PFKM: variants seen among roughly 807,000 people sequenced by gnomAD.
PFKM encodes the protein phosphofructokinase, muscle, also known as ATP-dependent 6-phosphofructokinase, muscle type.
PFKM carries 58 observed loss-of-function variants against 95.5 expected under a neutral mutation model. The ratio of observed to expected loss-of-function variants is 0.61; its 90% CI spans 0.49 to 0.76. The LOEUF (loss-of-function observed/expected upper bound fraction) is 0.76. Ranked by LOEUF, PFKM falls within the 30% of genes least tolerant of loss-of-function variation. The pLI is 0.00. For synonymous variants in PFKM, 336 were observed against 357.2 expected, an observed-to-expected ratio of 0.94 and a Z score of 0.67; for missense variants, 678 against 1,005.4, an observed-to-expected ratio of 0.67 and a Z score of 4.40.
Position 48,143,751 on chromosome 12 carries a change from A to G in PFKM, c.1819-2A>G, listed in dbSNP as rs1361710401. 6.2e-7 allele frequency: 1 copy of G among 1,611,122 alleles called. No individual in the cohort carries two copies. The highest frequency in any genetic ancestry group is 1.1e-5 in the South Asian group (1 of 91,022). ...GCTTAGGATTTACTCTTTCATTTTC[A>G]GGCAAATGTTGAACATCTGGTGCAA... is the stretch of plus-strand genomic sequence containing the variant. On this transcript the variant is annotated splice_acceptor_variant, in intron 18 of 22. Coordinates refer to ENST00000359794, the MANE Select transcript of PFKM (RefSeq NM_000289.6). LOFTEE classifies it high-confidence loss of function.
chr12:48,105,456 C>A (rs115646828), upstream of PFKM: 386 of 519,010 alleles, frequency 7.4e-4, 2 homozygotes, highest in African/African-American at 6.8e-3. Flanking sequence ...ATTTTCATAA[C>A]CTGAGCAGGA....
At chr12:48,144,221 C>A in intron 20 of PFKM, 64 bp downstream of exon 20, 1 of 1,082,136 alleles carries the variant, frequency 9.2e-7, no homozygotes, top group Non-Finnish European at 1.4e-6. Flanking sequence ...GCCATACCTG[C>A]CAACAGCCAC....
At chr12:48,119,347 C>A, upstream of PFKM, 1 of 984,652 alleles carries the variant, frequency 1.0e-6, no homozygotes, top group Non-Finnish European at 1.2e-6. Context: ...ATCACCCCTC[C>A]CCCCTTTCCC....
intron 2 of PFKM, among the ~76,000 whole-genome samples, chr12:48,128,698 AG>A (rs1237250120): frequency 1.1e-4 from 17 of 152,266 alleles, no homozygotes; most frequent in Middle Eastern, 3.4e-3. Context: ...ATTATTCAAA[AG>A]TTTGTGATGG....
intron 15 of PFKM, 99 bp from the exon 16 acceptor site, chr12:48,141,641 T>C: frequency 1.0e-6 from 1 of 954,900 alleles, no homozygotes; most frequent in Non-Finnish European, 1.7e-6. Context: ...AAATTAAAAA[T>C]AAAGTGCCTC....
At chr12:48,106,125 G>T (rs1462032142) in exon 1 of PFKM, 1 of 702,658 alleles carries the variant, frequency 1.4e-6, no homozygotes, top group Admixed American at 2.0e-5. Context: ...CACAGCACCG[G>T]AAGAGTCGCT....
At chr12:48,107,566 C>T (rs1946799770) in intron 2 of PFKM, 2 of 711,200 alleles carry the variant, frequency 2.8e-6, no homozygotes, top group Non-Finnish European at 5.0e-6. Flanking sequence ...TAGGGGTCAA[C>T]TGACCTTGTT....
At chr12:48,143,185 GC>G (rs1449924347) in intron 18 of PFKM, among the ~76,000 whole-genome samples, 1 of 152,198 alleles carries the variant, frequency 6.6e-6, no homozygotes, top group Non-Finnish European at 1.5e-5. Context: ...CCCTTTATGG[GC>G]ATTTTTGCAT....
Position 48,133,058 on chromosome 12 carries a change from G to A in PFKM, c.427+1G>A. On this transcript the variant is annotated splice_donor_variant, in intron 5 of 22. Transcript: ENST00000359794. LOFTEE classifies it high-confidence loss of function. ...TTGTTGAGTGACCTCCAGAAAGCAGGTAAGAGAGTTTTCACATCAGTATTG... is the reference window on the plus strand; with the variant it reads ...TTGTTGAGTGACCTCCAGAAAGCAGATAAGAGAGTTTTCACATCAGTATTG... 6.2e-7 allele frequency: 1 copy of A among 1,613,948 alleles called. No homozygotes were observed. The highest frequency in any genetic ancestry group is 8.5e-7 in the Non-Finnish European group (1 of 1,179,828).
chr12:48,108,683 G>A (rs1444578354), intron 3 of PFKM, among the ~76,000 whole-genome samples: 2 of 152,144 alleles, frequency 1.3e-5, no homozygotes, highest in Non-Finnish European at 2.9e-5. Context: ...TCAATTCACA[G>A]GCAATTTATA....
In PFKM at chr12:48,139,295, T is replaced by G; in HGVS notation, c.1073T>G (p.Val358Gly). 1 of 1,613,578 alleles carries G rather than the reference T, an allele frequency of 6.2e-7. No individual in the cohort carries two copies. The highest frequency in any genetic ancestry group is 8.5e-7 in the Non-Finnish European group (1 of 1,179,764). The change falls in exon 12 of 23, where the codon GTG (valine) becomes GGG (glycine). Residue 358 changes from valine to glycine, a missense_variant. Val to Gly is a moderately radical substitution (Grantham distance 109, BLOSUM62 -3). Transcript: ENST00000359794. The part of the protein sequence containing the change: ...LMECVQVTKD[V>G]TKAMDEKKFD... ...GTGCTCCCCCCTCAGACCAAAGATG[T>G]GACCAAGGCCATGGATGAGAAGAAA...
rs374235662 is a variant in PFKM at position 48,145,686 on chromosome 12, G to A, written c.2321G>A (p.Arg774Gln). Reference protein sequence around the residue: ...HAHLEHITRKRSGEAAV With the variant: ...HAHLEHITRKQSGEAAV ...CACCTGGAGCACATCACCCGGAAGCGGTCCGGGGAAGCTGCCGTCTAAACC... is the reference window on the plus strand; with the variant it reads ...CACCTGGAGCACATCACCCGGAAGCAGTCCGGGGAAGCTGCCGTCTAAACC... The change falls in exon 23 of 23, where the codon CGG becomes CAG. Residue 774 changes from arginine to glutamine, a missense_variant. Physicochemically the swap from Arg to Gln is conservative, Grantham distance 43. Transcript: ENST00000359794. This position sits in a 1 kb window ranked among gnomAD's most constrained non-coding sequence, Gnocchi z 4.3. 7.1e-5 allele frequency: 115 copies of A among 1,614,052 alleles called. No homozygotes were observed. Among genetic ancestry groups the A allele is most frequent in the African/African-American group, 9.3e-5 (7 of 74,926 alleles).
At chr12:48,144,288 G>T in intron 20 of PFKM, 131 bp downstream of exon 20, 1 of 726,838 alleles carries the variant, frequency 1.4e-6, no homozygotes, top group Non-Finnish European at 2.5e-6. Context: ...TGCCATCATA[G>T]AGCATGGGCC....
In PFKM at chr12:48,133,359, A is replaced by G. The variant is rs530237739; in HGVS notation, c.472A>G (p.Ile158Val). 10 of 1,614,140 alleles carry G rather than the reference A, an allele frequency of 6.2e-6. No individual in the cohort carries two copies. The African/African-American group carries it at 8.0e-5, about 13-fold the overall frequency. The part of the protein sequence containing the change: ...EEATKSSYLN[I>V]VGLVGSIDND... ...GGCTACGAAGTCCAGCTACCTGAACATTGTGGGCCTGGTTGGGTCAATTGA... is the reference window on the plus strand; with the variant it reads ...GGCTACGAAGTCCAGCTACCTGAACGTTGTGGGCCTGGTTGGGTCAATTGA... The change falls in exon 6 of 23, where the codon ATT becomes GTT. Residue 158 changes from isoleucine (I) to valine (V), a missense_variant. Transcript: ENST00000359794.
rs1951004617 is a variant in PFKM, at chr12:48,145,851, A to C, written c.*143A>C. 2.5e-6 allele frequency: 2 copies of C among 813,434 alleles called. No individual in the cohort carries two copies. Among genetic ancestry groups the C allele is most frequent in the South Asian group, 3.2e-5 (2 of 61,688 alleles). The allele number at this position is 813,434 out of a possible 1,614,324, so 50.4% of individuals were successfully genotyped here. A position where few individuals can be genotyped will look rare whatever the true frequency, so the allele number is the denominator to read the frequency against. On this transcript the variant is annotated 3_prime_UTR_variant, in exon 23 of 23. Transcript: ENST00000359794. This position sits in a 1 kb window ranked among gnomAD's most constrained non-coding sequence, Gnocchi z 4.3. ...CTTGCAGCCATGACCAGTTCTGGCC[A>C]GGAGCTGGAGGAGCAGGCAGTGGGT...
At chr12:48,105,722 G>C (rs1423915738), upstream of PFKM, 6 of 506,464 alleles carry the variant, frequency 1.2e-5, no homozygotes, top group African/African-American at 1.9e-5. Flanking sequence ...CCCCAAGTAC[G>C]GCTGGGCGCT....
exon 3 of PFKM, chr12:48,108,188 A>G (rs1403444734): frequency 6.3e-7 from 1 of 1,598,016 alleles, no homozygotes; most frequent in East Asian, 2.2e-5. Flanking sequence ...ACCTGTTTTC[A>G]AAACTGGTGA....
At chr12:48,106,798 CA>C (rs1946675857) in intron 1 of PFKM, among the ~76,000 whole-genome samples, 1 of 152,196 alleles carries the variant, frequency 6.6e-6, no homozygotes, top group Admixed American at 6.5e-5. Context: ...GAATTTGAAA[CA>C]GGCAGAGCTG....
chr12:48,109,666 G>A (rs1450676990), intron 3 of PFKM, among the ~76,000 whole-genome samples: 1 of 152,118 alleles, frequency 6.6e-6, no homozygotes, highest in Non-Finnish European at 1.5e-5. Context: ...AAATTCTGAT[G>A]TTCAACTTCT....
Sources: allele counts gnomAD v4.1 joint callset (sites outside exome capture counted in the v4.1 genomes callset), GRCh38; gene constraint gnomAD v4.1.1; non-coding constraint Gnocchi (gnomAD v3.1); transcripts MANE v1.5; gene names NCBI Gene and HGNC (gene_info 2026-07-23, HGNC 2026-07-21).